GSTM2: variants seen among roughly 807,000 people sequenced by gnomAD.
GSTM2 encodes the protein GST class-mu 2.
Under a neutral mutation model 33.3 loss-of-function variants are expected in GSTM2, and 33 were observed. The ratio of observed to expected loss-of-function variants is 0.99; its 90% CI spans 0.75 to 1.33. GSTM2 has a LOEUF of 1.33. Ranked by LOEUF, GSTM2 falls within the 40% of genes most tolerant of loss-of-function variation. The pLI is 0.00. For synonymous variants in GSTM2, 93 were observed against 95.6 expected, an observed-to-expected ratio of 0.97 and a Z score of 0.16; for missense variants, 213 against 265.8, an observed-to-expected ratio of 0.80 and a Z score of 1.38.
intron 5 of GSTM2, chr1:109,670,792 T>A (rs187369101): frequency 6.1e-4 from 95 of 156,506 alleles, no homozygotes; most frequent in Non-Finnish European, 1.1e-3. Context: ...AACAGACAGC[T>A]TAGGGGCAGC....
At chr1:109,671,195 C>T (rs770428460) in intron 5 of GSTM2, 92 bp from the exon 6 acceptor site, 55 of 850,622 alleles carry the variant, frequency 6.5e-5, no homozygotes, top group Non-Finnish European at 9.3e-5. Flanking sequence ...ACTGCTTGCC[C>T]GCGGCCAGCT....
chr1:109,671,434 T>G lies in GSTM2; in HGVS notation c.457-39T>G, dbSNP rs763679099. 2.6e-6 allele frequency: 4 copies of G among 1,568,462 alleles called. No individual in the cohort carries two copies. In the East Asian group the frequency reaches 9.0e-5, roughly 35 times the overall value. The stretch of plus-strand genomic sequence containing the variant: ...CACAGATTTGTCATACTTCCTATAT[T>G]ATGGAGGTTTCAGCCCACATATCCT... On this transcript the variant is annotated intron_variant, in intron 6 of 7. Coordinates refer to ENST00000241337, the MANE Select transcript of GSTM2 (RefSeq NM_000848.4).
At chr1:109,668,605 A>G (rs894059273) in intron 2 of GSTM2, 105 bp downstream of exon 2, 19 of 1,289,078 alleles carry the variant, frequency 1.5e-5, no homozygotes, top group African/African-American at 8.7e-5. Flanking sequence ...CCTTGCTGGA[A>G]CTGCAGGCTG....
chr1:109,674,593 C>G (rs1160716604), intron 7 of GSTM2, among the ~76,000 whole-genome samples, 154 bp from the exon 8 acceptor site: 1 of 152,226 alleles, frequency 6.6e-6, no homozygotes. Flanking sequence ...CTCCGCAGAT[C>G]TGGGGACCCT....
intron 5 of GSTM2, 104 bp from the exon 6 acceptor site, chr1:109,671,183 T>G (rs766105802): frequency 1.3e-6 from 1 of 772,692 alleles, no homozygotes; most frequent in Non-Finnish European, 2.3e-6. Context: ...GTGGGGAAGA[T>G]GACTGCTTGC....
intron 2 of GSTM2, 55 bp downstream of exon 2, chr1:109,668,555 C>T: frequency 6.3e-7 from 1 of 1,592,468 alleles, no homozygotes; most frequent in South Asian, 1.1e-5. Context: ...TGGCACCAAG[C>T]AACCGATAGT....
At chr1:109,668,379 C>G in intron 1 of GSTM2, 46 bp from the exon 2 acceptor site, 1 of 1,598,696 alleles carries the variant, frequency 6.3e-7, no homozygotes, top group Non-Finnish European at 8.6e-7. Flanking sequence ...GTCACAAAGT[C>G]AGGGACCCTC....
chr1:109,669,806 T>G (rs533765387), intron 5 of GSTM2: 2 of 522,674 alleles, frequency 3.8e-6, no homozygotes, highest in South Asian at 5.0e-5. Flanking sequence ...GGTGGGTTTG[T>G]GGTCTTGCTG....
chr1:109,671,744 A>G (rs1647551705), intron 7 of GSTM2, among the ~76,000 whole-genome samples, 161 bp downstream of exon 7: 1 of 152,132 alleles, frequency 6.6e-6, no homozygotes. Context: ...AGGGAGGCAG[A>G]TCACCTGTGG....
At chr1:109,668,813 A>G in intron 2 of GSTM2, 112 bp from the exon 3 acceptor site, 1 of 1,268,276 alleles carries the variant, frequency 7.9e-7, no homozygotes, top group Non-Finnish European at 1.1e-6. Flanking sequence ...GAGTGGTCAG[A>G]TTCTAGATCC....
At chr1:109,682,461 T>C (rs139197821) in intron 7 of GSTM2, among the ~76,000 whole-genome samples, 18,549 of 78,004 alleles carry the variant, frequency 0.24, 3,573 homozygotes, top group African/African-American at 0.44. Context: ...AGGATGGTCT[T>C]GATCTCCTGA....
At chr1:109,680,223 G>A (rs1647829635), downstream of GSTM2, among the ~76,000 whole-genome samples, 2 of 150,416 alleles carry the variant, frequency 1.3e-5, no homozygotes, top group African/African-American at 4.9e-5. Context: ...ATTTCCTACA[G>A]GCTTATCTTA....
intron 7 of GSTM2, among the ~76,000 whole-genome samples, chr1:109,673,029 C>G (rs970204270): frequency 6.6e-6 from 1 of 152,056 alleles, no homozygotes; most frequent in East Asian, 1.9e-4. Flanking sequence ...ACCACCACGT[C>G]CAGCTAATTT....
chr1:109,673,455 G>T (rs988781065), intron 7 of GSTM2: 7 of 597,352 alleles, frequency 1.2e-5, no homozygotes, highest in Admixed American at 5.9e-5. Flanking sequence ...TCTGAGCCTT[G>T]AATCTGTTTC....
rs548240077 is a variant in GSTM2 at position 109,674,253 on chromosome 1, G to C, written c.568-494G>C. 1.4e-3 allele frequency among the ~76,000 whole-genome samples: 208 copies of C among 152,140 alleles called. 1 individual carries two copies. The highest frequency in any genetic ancestry group is 4.7e-3 in the African/African-American group (195 of 41,440). On this transcript the variant is annotated intron_variant, in intron 7 of 7. Transcript: ENST00000241337. ...AAAAGGAGACTGTTTGTGCAGTCAA[G>C]GAGTGACAGGGCCTGGTGTGAGGGG...
At chr1:109,682,719 C>G (rs1233341302) in intron 7 of GSTM2, among the ~76,000 whole-genome samples, 1 of 127,226 alleles carries the variant, frequency 7.9e-6, no homozygotes, top group African/African-American at 2.5e-5. Context: ...AATGTTTTCT[C>G]AATTCAAATT....
chr1:109,669,504 A>C lies in GSTM2; in HGVS notation c.293A>C (p.Asp98Ala), dbSNP rs879800609. ...GESEKEQIRE[D>A]ILENQFMDSR... ...TCAGAAAAGGAGCAGATTCGCGAAG[A>C]CATTTTGGAGAACCAGTTTATGGAC... Residue 98 changes from aspartate to alanine, a missense_variant, in exon 5 of 8, where the codon GAC (aspartate) becomes GCC (alanine). Asp to Ala is a moderately radical substitution (Grantham distance 126). Transcript: ENST00000241337. 5.0e-6 allele frequency: 8 copies of C among 1,613,852 alleles called. No individual in the cohort carries two copies. The highest frequency in any genetic ancestry group is 5.9e-6 in the Non-Finnish European group (7 of 1,179,886).
intron 7 of GSTM2, chr1:109,673,281 G>A: frequency 6.2e-7 from 1 of 1,606,772 alleles, no homozygotes; most frequent in Non-Finnish European, 8.5e-7. Flanking sequence ...GGCAGGGTGT[G>A]AGGCACAGTG....
chr1:109,670,282 T>G (rs533622604), intron 5 of GSTM2: 1 of 152,280 alleles, frequency 6.6e-6, no homozygotes, highest in African/African-American at 2.4e-5. Context: ...ATTTGTGCAT[T>G]TACAATCCTT....
Sources: gnomAD v4.1 joint callset for allele counts (sites outside exome capture counted in the v4.1 genomes callset) on GRCh38, gnomAD v4.1.1 for gene constraint, MANE v1.5 for transcripts, NCBI Gene and HGNC (gene_info 2026-07-23, HGNC 2026-07-21) for gene names.